CENPF: variants seen among roughly 807,000 people sequenced by gnomAD.
The protein encoded by CENPF is AH antigen.
Under a neutral mutation model 307.3 loss-of-function variants are expected in CENPF, and 214 were observed. The observed-to-expected ratio is 0.70, with a 90% CI of 0.62 to 0.78. The LOEUF (loss-of-function observed/expected upper bound fraction) is 0.78, where lower values mean the gene tolerates loss of function less well. Among genes scored for constraint, CENPF ranks in the 30% least tolerant of loss-of-function variants. The pLI is 0.00. For synonymous variants in CENPF, 1,259 were observed against 1,270.6 expected, an observed-to-expected ratio of 0.99 and a Z score of 0.19; for missense variants, 3,401 against 3,483.9, an observed-to-expected ratio of 0.98 and a Z score of 0.60.
chr1:214,619,049 A>G (rs1301121624), intron 4 of CENPF, 80 bp from the exon 5 acceptor site: 9 of 741,564 alleles, frequency 1.2e-5, no homozygotes, highest in Admixed American at 2.6e-5. Flanking sequence ...TTTCTAGACT[A>G]TCAAAATCGT....
At position 214,642,903 on chromosome 1, in the gene CENPF, G is replaced by A. The variant is rs1357956363; in HGVS notation, c.4565G>A (p.Ser1522Asn). ...GGGGCTGTTTCAGCAAACCAGTGCA[G>A]TGTAGATGAAGTATTTTGCAGCAGT... is the stretch of plus-strand genomic sequence containing the variant. ...LEGAVSANQC[S>N]VDEVFCSSLQ... Residue 1522 changes from serine to asparagine, a missense_variant, in exon 12 of 20, where the codon AGT (serine) becomes AAT (asparagine). By Grantham distance (46) the Ser-to-Asn change is conservative. Transcript: ENST00000366955. 2 of 1,614,094 alleles carry A rather than the reference G, an allele frequency of 1.2e-6. No homozygotes were observed. Among genetic ancestry groups the A allele is most frequent in the African/African-American group, 1.3e-5 (1 of 75,042 alleles).
intron 1 of CENPF, chr1:214,608,613 G>A (rs1397115275): frequency 1.2e-6 from 2 of 1,607,238 alleles, no homozygotes; most frequent in African/African-American, 2.7e-5. Context: ...GGCTGTACTG[G>A]AAGTCGGCGC....
At position 214,611,030 on chromosome 1, in the gene CENPF, T is replaced by C. The variant is rs1441196929; in HGVS notation, c.-41-2684T>C. 2.0e-5 allele frequency among the ~76,000 whole-genome samples: 3 copies of C among 152,184 alleles called. No homozygotes were observed. In the East Asian group the frequency reaches 5.8e-4, roughly 29 times the overall value. On this transcript the variant is annotated intron_variant, in intron 1 of 19. Coordinates refer to ENST00000366955, the MANE Select transcript of CENPF (RefSeq NM_016343.4). ...TTTCTGGGCTCTCTATTATGTTCCATTGGTCTATGTGTCTGATTTTGTACT... is the reference window on the plus strand; with the variant it reads ...TTTCTGGGCTCTCTATTATGTTCCACTGGTCTATGTGTCTGATTTTGTACT...
At position 214,646,278 on chromosome 1, in the gene CENPF, T is replaced by C; in HGVS notation, c.6708T>C (p.Phe2236=). The change falls in exon 13 of 20, where the codon TTT becomes TTC. Residue 2236 remains phenylalanine, a synonymous_variant. Transcript: ENST00000366955. ...AACTAGACAAGTTACTCTCTTCATT[T>C]AAAAGTCTGTTAGAAGAAAAGGAGC... ...LSELDKLLSS[F]KSLLEEKEQA... is the part of the protein sequence containing the mutation. 6.2e-7 allele frequency: 1 copy of C among 1,614,102 alleles called. No individual in the cohort carries two copies. The highest frequency in any genetic ancestry group is 8.5e-7 in the Non-Finnish European group (1 of 1,180,002).
At chr1:214,627,611 G>T (rs1053442413) in intron 7 of CENPF, among the ~76,000 whole-genome samples, 21 of 148,670 alleles carry the variant, frequency 1.4e-4, no homozygotes, top group African/African-American at 5.2e-4. Flanking sequence ...CCTGACCTCA[G>T]GTGATCCGCC....
chr1:214,644,569 C>A lies in CENPF; in HGVS notation c.4999C>A (p.Arg1667=). The A allele has an allele frequency of 6.3e-7, 1 of 1,590,232 alleles. No homozygotes were observed. The highest frequency in any genetic ancestry group is 8.6e-7 in the Non-Finnish European group (1 of 1,167,908). ...ATTATAATTACAGGCTATTCAAGGC[C>A]GAAATGAGAGCTGTGACATATCAAA... ...GIDTEDAIQG[R]NESCDISKEH... is the part of the protein sequence containing the mutation. The change falls in exon 13 of 20, where the codon CGA becomes AGA. Residue 1667 remains arginine, a synonymous_variant. Transcript: ENST00000366955.
At position 214,644,789 on chromosome 1, in the gene CENPF, AG is replaced by A. The variant is rs774552613; in HGVS notation, c.5222del (p.Gly1741AlafsTer36). On this transcript the variant is annotated frameshift_variant, in exon 13 of 20. Transcript: ENST00000366955. LOFTEE classifies it high-confidence loss of function. ...NYEPPGEDKT[Q>X]GSSECISELS... Reference sequence around the variant, plus strand: ...GAGCCTCCAGGGGAAGATAAAACCCAGGGCTCTTCAGAATGCATTTCTGAAT... The same window carrying A: ...GAGCCTCCAGGGGAAGATAAAACCCAGGCTCTTCAGAATGCATTTCTGAAT... The A allele has an allele frequency of 1.9e-6, 3 of 1,613,986 alleles. No individual in the cohort carries two copies. The highest frequency in any genetic ancestry group is 2.5e-6 in the Non-Finnish European group (3 of 1,179,978).
intron 6 of CENPF, among the ~76,000 whole-genome samples, chr1:214,621,815 T>C (rs982751078): frequency 6.6e-6 from 1 of 152,238 alleles, no homozygotes; most frequent in African/African-American, 2.4e-5. Flanking sequence ...ATAGCGTTCC[T>C]GATTTTAGAA....
Position 214,641,122 on chromosome 1 carries a change from A to G in CENPF, c.2784A>G (p.Gln928=). Residue 928 remains glutamine (Q), a synonymous_variant, in exon 12 of 20, where the codon CAA becomes CAG. Transcript: ENST00000366955. ...DKVETEQAEI[Q]ELKKSNHLLE... is the part of the protein sequence containing the mutation. ...TAGAAACTGAGCAGGCAGAGATTCA[A>G]GAATTAAAAAAGAGCAACCATCTAC... 1 of 1,580,834 alleles carries G rather than the reference A, an allele frequency of 6.3e-7. No individual in the cohort carries two copies. The highest frequency in any genetic ancestry group is 1.2e-5 in the South Asian group (1 of 84,346).
At position 214,620,548 on chromosome 1, in the gene CENPF, T is replaced by C; in HGVS notation, c.574-107T>C. On this transcript the variant is annotated intron_variant, in intron 5 of 19. Coordinates refer to ENST00000366955, the MANE Select transcript of CENPF (RefSeq NM_016343.4). The stretch of plus-strand genomic sequence containing the variant: ...ATGAATGTTCTTTGTTGGTATGCAG[T>C]GCAACTGTTAACTTCTTGGGATTAT... The C allele has an allele frequency of 4.4e-6, 5 of 1,132,562 alleles. No individual in the cohort carries two copies. In the South Asian group the frequency reaches 7.7e-5, roughly 17 times the overall value. 70.2% of individuals were successfully genotyped at this position (1,132,562 alleles called of 1,614,324 possible). A position where few individuals can be genotyped will look rare whatever the true frequency, so the allele number is the denominator to read the frequency against.
rs1312574461 is a variant in CENPF, at chr1:214,641,681, A to T, written c.3343A>T (p.Thr1115Ser). 1 of 1,580,110 alleles carries T rather than the reference A, an allele frequency of 6.3e-7. No homozygotes were observed. The highest frequency in any genetic ancestry group is 1.4e-5 in the African/African-American group (1 of 73,078). The change falls in exon 12 of 20, where the codon ACA becomes TCA. Residue 1115 changes from threonine (T) to serine (S), a missense_variant. By Grantham distance (58) the Thr-to-Ser change is moderately conservative (BLOSUM62 1). Transcript: ENST00000366955. ...TVQQALRSEM[T>S]DNQNNSKSEA... ...GCAGCAAGCTCTGAGATCTGAGATGACAGATAACCAAAACAATTCTAAGAG... is the reference window on the plus strand; with the variant it reads ...GCAGCAAGCTCTGAGATCTGAGATGTCAGATAACCAAAACAATTCTAAGAG...
rs574458041 is a variant in CENPF, at chr1:214,618,437, G to A, written c.360-136G>A. Reference sequence around the variant, plus strand: ...GTTAGACCTTATGAAATGCCTGTTGGATAAATGAAATGGTTAAGAATTCTT... The same window carrying A: ...GTTAGACCTTATGAAATGCCTGTTGAATAAATGAAATGGTTAAGAATTCTT... On this transcript the variant is annotated intron_variant, in intron 3 of 19. Transcript: ENST00000366955. 172 of 1,080,692 alleles carry A rather than the reference G, an allele frequency of 1.6e-4. 1 individual carries two copies. The highest frequency in any genetic ancestry group is 1.1e-3 in the Admixed American group (44 of 41,478). 66.9% of individuals were successfully genotyped at this position (1,080,692 alleles called of 1,614,324 possible).
In CENPF at chr1:214,646,902, AAC is replaced by A. The variant is rs1558187343; in HGVS notation, c.7336_7337del (p.Gln2446IlefsTer6). ...CAAGCACTGCCATGGAGATGCTTCA[AAC>A]ACAATTAAAAGAGCTCAATGAGAGA... ...KSSTAMEMLQ[T>X]QLKELNERVA... is the part of the protein sequence containing the mutation. On this transcript the variant is annotated frameshift_variant, in exon 13 of 20. Transcript: ENST00000366955. LOFTEE classifies it high-confidence loss of function. The A allele has an allele frequency of 6.2e-7, 1 of 1,614,098 alleles. No homozygotes were observed. The highest frequency in any genetic ancestry group is 1.1e-5 in the South Asian group (1 of 91,074).
At chr1:214,619,326 T>TTG (rs1005336989) in intron 5 of CENPF, 106 bp downstream of exon 5, 64 of 601,964 alleles carry the variant, frequency 1.1e-4, no homozygotes, top group African/African-American at 2.5e-4. Flanking sequence ...GCTGGCCTTT[T>TTG]TGTGTGTGTG....
intron 10 of CENPF, among the ~76,000 whole-genome samples, chr1:214,634,031 G>A (rs528531235): frequency 2.0e-5 from 3 of 152,288 alleles, no homozygotes; most frequent in Admixed American, 6.5e-5. Context: ...TGGCCAAGTC[G>A]CAGTAGTGGG....
At chr1:214,625,746 A>G (rs776619745) in intron 7 of CENPF, among the ~76,000 whole-genome samples, 3 of 151,778 alleles carry the variant, frequency 2.0e-5, no homozygotes, top group African/African-American at 7.3e-5. Flanking sequence ...TAGAGCTTCT[A>G]GTGATTGTTC....
In CENPF at chr1:214,642,201, A is replaced by C; in HGVS notation, c.3863A>C (p.His1288Pro). Residue 1288 changes from histidine to proline, a missense_variant, in exon 12 of 20, where the codon CAC (histidine) becomes CCC (proline). By Grantham distance (77) the His-to-Pro change is moderately conservative. Transcript: ENST00000366955. Reference protein sequence around the residue: ...ELSTSQNDNAHLQCSLQTTMN... With the variant: ...ELSTSQNDNAPLQCSLQTTMN... ...TCAACAAGTCAAAACGACAATGCAC[A>C]CCTTCAGTGCTCTCTGCAAACAACA... 6.2e-7 allele frequency: 1 copy of C among 1,614,170 alleles called. No homozygotes were observed. Among genetic ancestry groups the C allele is most frequent in the Non-Finnish European group, 8.5e-7 (1 of 1,180,028 alleles).
intron 11 of CENPF, among the ~76,000 whole-genome samples, chr1:214,638,764 A>G (rs1205997144): frequency 1.3e-5 from 2 of 152,208 alleles, no homozygotes; most frequent in Admixed American, 6.5e-5. Flanking sequence ...AGATTGCGCC[A>G]CTGCACTCCA....
chr1:214,651,907 A>C (rs1466145512), intron 15 of CENPF, 21 bp downstream of exon 15: 1 of 1,578,056 alleles, frequency 6.3e-7, no homozygotes, highest in South Asian at 1.2e-5. Flanking sequence ...GGGTTTGGTT[A>C]CTGGGGGAGC....
Sources: allele counts gnomAD v4.1 joint callset (sites outside exome capture counted in the v4.1 genomes callset), GRCh38; gene constraint gnomAD v4.1.1; transcripts MANE v1.5; gene names NCBI Gene and HGNC (gene_info 2026-07-23, HGNC 2026-07-21).